Variants in ADGRA3 observed in about 807,000 individuals in gnomAD.
The protein encoded by ADGRA3 is G-protein coupled receptor 125.
In ADGRA3, 56 loss-of-function variants were observed where a neutral mutation model predicts 119.8. The observed-to-expected ratio is 0.47, with a 90% confidence interval of 0.38 to 0.58. The LOEUF (loss-of-function observed/expected upper bound fraction) is 0.58. Among genes scored for constraint, ADGRA3 ranks in the 20% least tolerant of loss-of-function variants. The pLI, the probability that ADGRA3 is intolerant of heterozygous loss-of-function variation, is 0.00. For synonymous variants in ADGRA3, 607 were observed against 623.8 expected (o/e 0.97, Z 0.40); for missense variants, 1,516 against 1,649.0 (o/e 0.92, Z 1.40).
At chr4:22,466,765 C>T (rs16872695) in intron 2 of ADGRA3, among the ~76,000 whole-genome samples, 13,158 of 152,016 alleles carry the variant, frequency 0.087, 825 homozygotes, top group African/African-American at 0.18. Context: ...TGTGGCATCT[C>T]TTATCACGCT....
intron 4 of ADGRA3, among the ~76,000 whole-genome samples, chr4:22,449,342 G>A (rs917946777): frequency 6.6e-6 from 1 of 151,996 alleles, no homozygotes; most frequent in African/African-American, 2.4e-5. Flanking sequence ...ATGTTATGAA[G>A]CTATCCCATT....
chr4:22,502,617 G>A (rs1240979431), intron 1 of ADGRA3, among the ~76,000 whole-genome samples: 1 of 151,894 alleles, frequency 6.6e-6, no homozygotes, highest in Non-Finnish European at 1.5e-5. Context: ...GAAAGGAAGT[G>A]GCTATGTGCA....
chr4:22,482,458 C>T (rs1211615525), intron 1 of ADGRA3, among the ~76,000 whole-genome samples: 1 of 149,800 alleles, frequency 6.7e-6, no homozygotes, highest in African/African-American at 2.5e-5. Context: ...GAGTTAGAGA[C>T]CAGCCTGGGC....
At chr4:22,398,210 T>C in intron 16 of ADGRA3, 2 of 853,150 alleles carry the variant, frequency 2.3e-6, no homozygotes, top group Non-Finnish European at 2.8e-6. Flanking sequence ...TGGTAACAGG[T>C]AACATTTATT....
chr4:22,401,700 CACACACAT>C (rs1161259052), intron 15 of ADGRA3, 146 bp from the exon 16 acceptor site: 8 of 472,132 alleles, frequency 1.7e-5, no homozygotes, highest in South Asian at 3.1e-5. Flanking sequence ...ACCAGACACA[CACACACAT>C]ACACACACGC....
rs770851985 is a variant in ADGRA3 at position 22,424,399 on chromosome 4, A to G, written c.1444-47T>C. 9 of 1,577,350 alleles carry G rather than the reference A, an allele frequency of 5.7e-6. No homozygotes were observed. The South Asian group carries it at 1.0e-4, about 18-fold the overall frequency. ...AAAGAAAGATCTTTAAAACCACCAT[A>G]AACTATTTCGTAGAATCAAAATCCT... On this transcript the variant is annotated intron_variant, in intron 10 of 18. Coordinates refer to ENST00000334304, the MANE Select transcript of ADGRA3 (RefSeq NM_145290.4).
At chr4:22,410,455 T>G (rs1385627849) in intron 14 of ADGRA3, among the ~76,000 whole-genome samples, 1 of 152,104 alleles carries the variant, frequency 6.6e-6, no homozygotes, top group African/African-American at 2.4e-5. Context: ...GGATGTATAC[T>G]CAGATTTATG....
In ADGRA3 at chr4:22,387,973, T is replaced by C. The variant is rs140031824; in HGVS notation, c.3698A>G (p.Asn1233Ser). The C allele has an allele frequency of 9.0e-5, 145 of 1,613,994 alleles. No individual in the cohort carries two copies. Among genetic ancestry groups the C allele is most frequent in the Non-Finnish European group, 1.2e-4 (142 of 1,180,006 alleles). ...AYLAYRERQY[N>S]PPQQDSSDAC... ...ATCGCTGCTGTCTTGCTGGGGTGGG[T>C]TGTACTGTCTCTCTCTGTAGGCTAA... is the stretch of plus-strand genomic sequence containing the variant. Residue 1233 changes from asparagine (N) to serine (S), a missense_variant, in exon 19 of 19, where the codon AAC (asparagine) becomes AGC (serine). By Grantham distance (46) the Asn-to-Ser change is conservative. This residue lies in a region of ADGRA3 where 1,088 missense variants were observed against 1,107.1 expected (regional missense o/e 0.98). Transcript: ENST00000334304.
chr4:22,418,320 C>G (rs763149044), intron 12 of ADGRA3, among the ~76,000 whole-genome samples: 2 of 151,842 alleles, frequency 1.3e-5, no homozygotes, highest in African/African-American at 4.8e-5. Flanking sequence ...ATGTGACAGG[C>G]AATGAGAGAG....
rs142367791 is a variant in ADGRA3 at position 22,413,293 on chromosome 4, A to T, written c.2121T>A (p.Asp707Glu). The T allele has an allele frequency of 6.2e-7, 1 of 1,614,126 alleles. No individual in the cohort carries two copies. Among genetic ancestry groups the T allele is most frequent in the Non-Finnish European group, 8.5e-7 (1 of 1,179,988 alleles). ...ADAVAARWDFDLLNGQGGWKS... is the reference protein window; with the variant it reads ...ADAVAARWDFELLNGQGGWKS... ...TCCAGCCTCCTTGTCCGTTCAGCAA[A>T]TCGAAATCCCACCGGGCTGCAACAG... The change falls in exon 14 of 19, where the codon GAT becomes GAA. Residue 707 changes from aspartate (D) to glutamate (E), a missense_variant. By Grantham distance (45) the Asp-to-Glu change is conservative. Around this residue, in one of 2 missense-constraint regions of ADGRA3, gnomAD observed 1,088 missense variants for 1,107.1 expected, o/e 0.98. Coordinates refer to ENST00000334304, the MANE Select transcript of ADGRA3 (RefSeq NM_145290.4).
intron 4 of ADGRA3, among the ~76,000 whole-genome samples, chr4:22,451,232 T>A (rs1420292562): frequency 6.6e-6 from 1 of 152,066 alleles, no homozygotes; most frequent in Non-Finnish European, 1.5e-5. Flanking sequence ...ATTAAAGGTA[T>A]AACTCTTGAG....
At chr4:22,449,741 GAGGCTAAGGTGGTGACACCTTAAGCCTA>G (rs1397758947) in intron 4 of ADGRA3, among the ~76,000 whole-genome samples, 1 of 151,956 alleles carries the variant, frequency 6.6e-6, no homozygotes, top group African/African-American at 2.4e-5. Flanking sequence ...TGCTACTTGG[GAGGCTAAGGTGGTGACACCTTAAGCCTA>G]AGGCTAAGCG....
chr4:22,424,182 T>A lies in ADGRA3; in HGVS notation c.1605+9A>T. On this transcript the variant is annotated intron_variant, in intron 11 of 18. Coordinates refer to ENST00000334304, the MANE Select transcript of ADGRA3 (RefSeq NM_145290.4). ...TTTTCTCAGGAGTCTATGATAATGT[T>A]ACACTTACTGTTGAATAAACGTGAG... 1.2e-6 allele frequency: 2 copies of A among 1,604,626 alleles called. No homozygotes were observed. Among genetic ancestry groups the A allele is most frequent in the Admixed American group, 1.7e-5 (1 of 59,386 alleles).
chr4:22,396,902 C>T (rs1001346759), intron 16 of ADGRA3, among the ~76,000 whole-genome samples: 1 of 152,140 alleles, frequency 6.6e-6, no homozygotes, highest in African/African-American at 2.4e-5. Context: ...TTTACAACAG[C>T]GTCTTTCCAT....
chr4:22,399,435 T>C (rs1486729079), intron 16 of ADGRA3, among the ~76,000 whole-genome samples: 3 of 152,304 alleles, frequency 2.0e-5, no homozygotes, highest in Admixed American at 6.5e-5. Context: ...TCCAACTTTT[T>C]TTTAAAGGGT....
chr4:22,449,034 G>A (rs1331198042), intron 4 of ADGRA3, among the ~76,000 whole-genome samples: 1 of 152,022 alleles, frequency 6.6e-6, no homozygotes. Flanking sequence ...ATTTGGGAGG[G>A]CTGAGGTGGG....
intron 2 of ADGRA3, 77 bp downstream of exon 2, chr4:22,473,693 TCA>T (rs1397358369): frequency 2.5e-6 from 2 of 809,048 alleles, no homozygotes; most frequent in Non-Finnish European, 3.8e-6. Flanking sequence ...GGGAATTTAG[TCA>T]CAGATTTACA....
At chr4:22,484,653 T>C (rs74732867) in intron 1 of ADGRA3, among the ~76,000 whole-genome samples, 1,419 of 140,444 alleles carry the variant, frequency 0.01, 40 homozygotes, top group East Asian at 0.053. Flanking sequence ...AATGATACCA[T>C]GCAGAATACA....
chr4:22,389,057 G>A lies in ADGRA3; in HGVS notation c.2723+31C>T. Reference sequence around the variant, plus strand: ...AAATACTTAAAAGAGAAACAACTGGGTCAAGTACACAGAGAATATAAAATA... The same window carrying A: ...AAATACTTAAAAGAGAAACAACTGGATCAAGTACACAGAGAATATAAAATA... On this transcript the variant is annotated intron_variant, in intron 18 of 18. Coordinates refer to ENST00000334304, the MANE Select transcript of ADGRA3 (RefSeq NM_145290.4). The A allele has an allele frequency of 1.9e-6, 3 of 1,601,928 alleles. No homozygotes were observed. In the South Asian group the frequency reaches 3.3e-5, roughly 18 times the overall value.
Sources: gnomAD v4.1 joint callset for allele counts (sites outside exome capture counted in the v4.1 genomes callset) on GRCh38, gnomAD v4.1.1 for gene constraint, gnomAD v4.1.1 regional missense constraint, MANE v1.5 for transcripts, NCBI Gene and HGNC (gene_info 2026-07-23, HGNC 2026-07-21) for gene names.